Variants in PARL observed in about 807,000 individuals in gnomAD.
PARL encodes presenilin associated rhomboid like.
A neutral mutation model predicts 51.6 loss-of-function variants in PARL; 44 were observed. The ratio of observed to expected loss-of-function variants is 0.85; its 90% confidence interval spans 0.67 to 1.10. The LOEUF (loss-of-function observed/expected upper bound fraction) is 1.10. Among genes scored for constraint, PARL ranks in the 50% least tolerant of loss-of-function variants. The pLI is 0.00. For missense variants in PARL, 441 were observed against 469.5 expected (o/e 0.94, Z 0.56); for synonymous variants, 172 against 164.0 (o/e 1.05, Z -0.37).
At chr3:183,840,496 T>A in intron 7 of PARL, 74 bp downstream of exon 7, 1 of 733,518 alleles carries the variant, frequency 1.4e-6, no homozygotes, top group Non-Finnish European at 2.3e-6. Context: ...TTTACAACAT[T>A]CTTCTAAGTC....
At chr3:183,855,972 A>C (rs76072342) in intron 4 of PARL, among the ~76,000 whole-genome samples, 2 of 121,676 alleles carry the variant, frequency 1.6e-5, no homozygotes, top group Non-Finnish European at 3.4e-5. Flanking sequence ...ATAAACAAAC[A>C]AAAAAAAAAA....
chr3:183,883,766 A>G, intron 1 of PARL: 7 of 888,630 alleles, frequency 7.9e-6, no homozygotes, highest in Non-Finnish European at 9.4e-6. Flanking sequence ...TGTCGGACAT[A>G]TAGGTTCTTC....
At chr3:183,843,976 T>C (rs1359649474) in intron 5 of PARL, among the ~76,000 whole-genome samples, 1 of 151,634 alleles carries the variant, frequency 6.6e-6, no homozygotes, top group African/African-American at 2.4e-5. Flanking sequence ...GAGGTGGAGG[T>C]TGTAGTGAGC....
intron 4 of PARL, among the ~76,000 whole-genome samples, chr3:183,848,954 G>A (rs763266126): frequency 1.3e-5 from 2 of 151,920 alleles, no homozygotes; most frequent in Admixed American, 1.3e-4. Flanking sequence ...CATTGCTAGA[G>A]AAAAAGGAGG....
chr3:183,842,422 C>T lies in PARL; in HGVS notation c.633G>A (p.Leu211=). The T allele has an allele frequency of 1.9e-6, 3 of 1,611,292 alleles. No homozygotes were observed. The highest frequency in any genetic ancestry group is 2.5e-6 in the Non-Finnish European group (3 of 1,177,446). Residue 211 remains leucine (L), a synonymous_variant, in exon 6 of 10, where the codon CTG becomes CTA. Transcript: ENST00000317096. ...ASKVLCSPML[L]STFSHFSLFH... is the part of the protein sequence containing the mutation. ...ATAAGGAGAAATGACTGAATGTTGA[C>T]AGCAACATTGGAGAACAAAGGACCT...
chr3:183,879,785 C>T, intron 1 of PARL: 1 of 519,786 alleles, frequency 1.9e-6, no homozygotes, highest in African/African-American at 2.1e-5. Context: ...GGCACCATCT[C>T]AACTCACTGC....
rs1014447981 is a variant in PARL at position 183,829,495 on chromosome 3, G to A, written c.*103C>T. 24 of 1,611,486 alleles carry A rather than the reference G, an allele frequency of 1.5e-5. No homozygotes were observed. Among genetic ancestry groups the A allele is most frequent in the Non-Finnish European group, 2.0e-5 (23 of 1,179,218 alleles). ...TGAAAACAGTGGGAGGCCAGATGCT[G>A]GCATCTTCCAGACGGGAGCATAGCC... is the stretch of plus-strand genomic sequence containing the variant. On this transcript the variant is annotated 3_prime_UTR_variant, in exon 10 of 10. Coordinates refer to ENST00000317096, the MANE Select transcript of PARL (RefSeq NM_018622.7).
At chr3:183,878,094 G>C (rs893521192) in intron 1 of PARL, among the ~76,000 whole-genome samples, 4 of 152,120 alleles carry the variant, frequency 2.6e-5, no homozygotes, top group African/African-American at 9.7e-5. Context: ...CCCAGCCCCA[G>C]CCAGTACTCT....
intron 9 of PARL, 123 bp downstream of exon 9, chr3:183,833,369 C>T (rs1728174317): frequency 4.1e-6 from 3 of 733,050 alleles, no homozygotes; most frequent in South Asian, 3.0e-5. Flanking sequence ...AGCCCACCTG[C>T]TTCTGCTTCC....
At chr3:183,848,792 T>G (rs535881392) in intron 4 of PARL, among the ~76,000 whole-genome samples, 2 of 152,208 alleles carry the variant, frequency 1.3e-5, no homozygotes, top group Non-Finnish European at 2.9e-5. Flanking sequence ...AGATGATGGA[T>G]AACACTTGGG....
chr3:183,855,975 A>AC (rs1422441042), intron 4 of PARL, among the ~76,000 whole-genome samples: 1 of 151,352 alleles, frequency 6.6e-6, no homozygotes, highest in African/African-American at 2.4e-5. Flanking sequence ...AACAAACAAA[A>AC]AAAAAAACAA....
At chr3:183,862,927 G>A in intron 3 of PARL, 126 bp from the exon 4 acceptor site, 1 of 778,510 alleles carries the variant, frequency 1.3e-6, no homozygotes, top group South Asian at 1.4e-5. Context: ...GGTGGTCACA[G>A]ACATAATAAA....
chr3:183,857,926 A>G (rs192334965), intron 4 of PARL, among the ~76,000 whole-genome samples: 1 of 152,294 alleles, frequency 6.6e-6, no homozygotes, highest in Non-Finnish European at 1.5e-5. Flanking sequence ...TAAAAACCCT[A>G]TTCTTTGATA....
At chr3:183,832,096 T>C (rs1385227820) in intron 9 of PARL, among the ~76,000 whole-genome samples, 2 of 152,254 alleles carry the variant, frequency 1.3e-5, no homozygotes, top group Admixed American at 6.5e-5. Context: ...ACTGCACTGC[T>C]GTTAGAGCTA....
chr3:183,847,292 C>T (rs1487391736), intron 4 of PARL, among the ~76,000 whole-genome samples: 1 of 152,180 alleles, frequency 6.6e-6, no homozygotes, highest in South Asian at 2.1e-4. Flanking sequence ...GGTGTGGTGG[C>T]TCACGCCTAT....
chr3:183,846,512 G>C, intron 4 of PARL: 3 of 984,916 alleles, frequency 3.0e-6, no homozygotes, highest in Non-Finnish European at 3.6e-6. Context: ...AAAGCGGGGG[G>C]AAAGATAACC....
chr3:183,876,610 TAAAA>T (rs576376716), intron 1 of PARL, among the ~76,000 whole-genome samples: 160 of 91,768 alleles, frequency 1.7e-3, no homozygotes, highest in African/African-American at 5.2e-3. Context: ...ATACATTTTG[TAAAA>T]AAAAAAAAAA....
rs1460682059 is a variant in PARL, at chr3:183,862,806, A to G, written c.463-5T>C. The G allele has an allele frequency of 1.2e-6, 2 of 1,611,908 alleles. No homozygotes were observed. The highest frequency in any genetic ancestry group is 2.7e-5 in the African/African-American group (2 of 74,912). Reference sequence around the variant, plus strand: ...GTTATTCCACCACTTGTTAATCTAAAACAGACAGAAAATTGCATCACCACA... The same window carrying G: ...GTTATTCCACCACTTGTTAATCTAAGACAGACAGAAAATTGCATCACCACA... On this transcript the variant is annotated splice_polypyrimidine_tract_variant and splice_region_variant and intron_variant, in intron 3 of 9. Coordinates refer to ENST00000317096, the MANE Select transcript of PARL (RefSeq NM_018622.7).
chr3:183,878,249 T>C (rs1032967891), intron 1 of PARL, among the ~76,000 whole-genome samples: 8 of 151,960 alleles, frequency 5.3e-5, no homozygotes, highest in African/African-American at 1.9e-4. Context: ...ACAGAGGGAG[T>C]GTTCCAAGTG....
Sources: allele counts gnomAD v4.1 joint callset (sites outside exome capture counted in the v4.1 genomes callset), GRCh38; gene constraint gnomAD v4.1.1; transcripts MANE v1.5; gene names NCBI Gene and HGNC (gene_info 2026-07-23, HGNC 2026-07-21).